Variants in XKR9 observed in about 807,000 individuals in gnomAD.
XKR9 encodes XK related 9.
In XKR9, 32 loss-of-function variants were observed where a neutral mutation model predicts 32.0. That is an observed-to-expected ratio of 1.00 (90% CI 0.76 to 1.34). The LOEUF (loss-of-function observed/expected upper bound fraction) is 1.34, where lower values mean the gene tolerates loss of function less well. Among genes scored for constraint, XKR9 ranks in the 40% most tolerant of loss-of-function variants. The pLI, the probability that XKR9 is intolerant of heterozygous loss-of-function variation, is 0.00. For synonymous variants in XKR9, 168 were observed against 143.4 expected, an observed-to-expected ratio of 1.17 and a Z score of -1.22; for missense variants, 546 against 429.7, an observed-to-expected ratio of 1.27 and a Z score of -2.39.
At chr8:70,964,931 A>G in the XKR9 span, among the ~76,000 whole-genome samples, 1 of 152,162 alleles carries the variant, frequency 6.6e-6, no homozygotes, top group Admixed American at 6.5e-5. Flanking sequence ...CTATTTGAAT[A>G]CCTTTATTTC....
At chr8:70,848,215 T>C in the XKR9 span, among the ~76,000 whole-genome samples, 1 of 151,848 alleles carries the variant, frequency 6.6e-6, no homozygotes, top group Non-Finnish European at 1.5e-5. Context: ...AAGAAGAAAT[T>C]ATATGATTAA....
intron 2 of XKR9, among the ~76,000 whole-genome samples, chr8:70,759,245 C>T (rs1807272623): frequency 6.6e-6 from 1 of 152,126 alleles, no homozygotes; most frequent in African/African-American, 2.4e-5. Flanking sequence ...TTTTTTAAAA[C>T]AGCTCAGGCC....
chr8:70,776,579 C>T (rs1807523273), intron 2 of XKR9, among the ~76,000 whole-genome samples: 2 of 152,004 alleles, frequency 1.3e-5, no homozygotes, highest in African/African-American at 2.4e-5. Flanking sequence ...AATGCCTGTT[C>T]TCCTCTGAGC....
chr8:70,695,783 C>T (rs1261425114), intron 3 of XKR9, among the ~76,000 whole-genome samples: 1 of 149,372 alleles, frequency 6.7e-6, no homozygotes, highest in East Asian at 1.9e-4. Context: ...AACTAGTTTA[C>T]AGTCCCAGCA....
chr8:70,755,989 T>G (rs1055066082), intron 2 of XKR9, among the ~76,000 whole-genome samples: 2 of 152,232 alleles, frequency 1.3e-5, no homozygotes, highest in African/African-American at 4.8e-5. Flanking sequence ...CTTCTAAGAC[T>G]TTTATAATAT....
chr8:70,945,609 C>A, the XKR9 span, among the ~76,000 whole-genome samples: 1 of 152,114 alleles, frequency 6.6e-6, no homozygotes, highest in African/African-American at 2.4e-5. Flanking sequence ...GGCGTCTAGA[C>A]ACTACCTAAC....
rs548751629 is a variant in XKR9, at chr8:70,786,175, G to A, written n.353-3164G>A. ...TTTCAGTCTTCTTAAATATGCTGAGGCTTGTTTTGTGCTCTAACATGTGAT... is the reference window on the plus strand; with the variant it reads ...TTTCAGTCTTCTTAAATATGCTGAGACTTGTTTTGTGCTCTAACATGTGAT... On this transcript the variant is annotated intron_variant and non_coding_transcript_variant, in intron 2 of 3. Transcript: ENST00000520273. 5.3e-5 allele frequency among the ~76,000 whole-genome samples: 8 copies of A among 152,124 alleles called. No homozygotes were observed. The South Asian group carries it at 1.5e-3, about 28-fold the overall frequency.
chr8:70,706,303 C>G (rs924611906), intron 3 of XKR9, among the ~76,000 whole-genome samples: 1 of 151,886 alleles, frequency 6.6e-6, no homozygotes, highest in Non-Finnish European at 1.5e-5. Flanking sequence ...AGAGTCTGAC[C>G]AGGGATATTT....
the XKR9 span, among the ~76,000 whole-genome samples, chr8:71,033,290 G>C: frequency 1.3e-5 from 2 of 152,124 alleles, no homozygotes. Context: ...CTTTTAATTT[G>C]TAAGAAAGCA....
the XKR9 span, among the ~76,000 whole-genome samples, chr8:71,027,837 T>C: frequency 2.0e-5 from 3 of 151,110 alleles, no homozygotes; most frequent in Non-Finnish European, 4.4e-5. Flanking sequence ...TGATCAATCA[T>C]GGCTCACTGC....
At chr8:70,861,421 AAGG>A in the XKR9 span, among the ~76,000 whole-genome samples, 1 of 151,842 alleles carries the variant, frequency 6.6e-6, no homozygotes. Flanking sequence ...GAGGCTGAGG[AAGG>A]AGGATAGCTT....
At chr8:70,688,239 G>A (rs35564237) in intron 3 of XKR9, among the ~76,000 whole-genome samples, 5 of 151,862 alleles carry the variant, frequency 3.3e-5, no homozygotes, top group Non-Finnish European at 4.4e-5. Context: ...CTGGGAGAAA[G>A]GTGAAATGTG....
the XKR9 span, among the ~76,000 whole-genome samples, chr8:70,955,352 C>A: frequency 6.6e-6 from 1 of 151,978 alleles, no homozygotes; most frequent in Admixed American, 6.5e-5. Flanking sequence ...CTGGGGAGGC[C>A]TATTATATAC....
At chr8:70,708,647 C>A (rs933209793) in intron 4 of XKR9, among the ~76,000 whole-genome samples, 3 of 152,036 alleles carry the variant, frequency 2.0e-5, no homozygotes, top group African/African-American at 7.2e-5. Context: ...AGAAAAATAT[C>A]TGGAAGAAAA....
chr8:70,854,545 T>G, the XKR9 span, among the ~76,000 whole-genome samples: 1 of 152,206 alleles, frequency 6.6e-6, no homozygotes, highest in South Asian at 2.1e-4. Flanking sequence ...CATTTGTCAA[T>G]TTTGTCTTTT....
intron 2 of XKR9, among the ~76,000 whole-genome samples, chr8:70,757,584 T>TATGC (rs1807245946): frequency 6.6e-6 from 1 of 150,762 alleles, no homozygotes; most frequent in African/African-American, 2.4e-5. Context: ...TGTATGTATG[T>TATGC]ATGCATGTAT....
chr8:70,922,009 G>C, the XKR9 span, among the ~76,000 whole-genome samples: 1 of 152,100 alleles, frequency 6.6e-6, no homozygotes, highest in Non-Finnish European at 1.5e-5. Flanking sequence ...GGAGGTACTG[G>C]GGAAAGGGAA....
the XKR9 span, among the ~76,000 whole-genome samples, chr8:70,957,953 A>G: frequency 2.0e-5 from 3 of 151,640 alleles, no homozygotes; most frequent in Non-Finnish European, 4.4e-5. Flanking sequence ...ACACCTGGCT[A>G]CCTTTTGTAT....
At chr8:70,936,729 C>G in the XKR9 span, among the ~76,000 whole-genome samples, 2 of 151,942 alleles carry the variant, frequency 1.3e-5, no homozygotes, top group South Asian at 4.1e-4. Context: ...ACTGAGGGAC[C>G]AAATGCCCTG....
Sources: gnomAD v4.1 joint callset for allele counts (sites outside exome capture counted in the v4.1 genomes callset) on GRCh38, gnomAD v4.1.1 for gene constraint, MANE v1.5 for transcripts, NCBI Gene and HGNC (gene_info 2026-07-23, HGNC 2026-07-21) for gene names.